Variants in CCNT2 observed in about 807,000 individuals in gnomAD.
CCNT2 encodes the protein cyclin T2.
Under a neutral mutation model 70.0 loss-of-function variants are expected in CCNT2, and 18 were observed. That is an observed-to-expected ratio of 0.26 (90% confidence interval 0.18 to 0.38). CCNT2 has a LOEUF of 0.38. CCNT2 is among the 10% of genes least tolerant of loss of function. The pLI is 1.00. For missense variants in CCNT2, 734 were observed against 890.2 expected (o/e 0.82, Z 2.23); for synonymous variants, 334 against 313.3 (o/e 1.07, Z -0.70).
intron 2 of CCNT2, among the ~76,000 whole-genome samples, chr2:134,924,129 T>G (rs912471005): frequency 1.2e-4 from 18 of 152,202 alleles, no homozygotes; most frequent in African/African-American, 4.3e-4. Flanking sequence ...TGCTACTCTT[T>G]CATAAAGCAT....
chr2:134,935,300 T>C (rs1310528410), intron 2 of CCNT2, among the ~76,000 whole-genome samples: 1 of 152,262 alleles, frequency 6.6e-6, no homozygotes, highest in Non-Finnish European at 1.5e-5. Flanking sequence ...AAACTCTATT[T>C]TACATCTGTT....
chr2:134,935,338 T>C (rs1210247000), intron 2 of CCNT2, among the ~76,000 whole-genome samples: 1 of 152,238 alleles, frequency 6.6e-6, no homozygotes, highest in East Asian at 1.9e-4. Context: ...GGAAAACTTC[T>C]TAAAGTCATT....
rs1559083296 is a variant in CCNT2, at chr2:134,918,890, C to T, written c.36C>T (p.Phe12=). 4.3e-6 allele frequency: 7 copies of T among 1,613,962 alleles called. No individual in the cohort carries two copies. Among genetic ancestry groups the T allele is most frequent in the African/African-American group, 1.3e-5 (1 of 75,060 alleles). Residue 12 remains phenylalanine (F), a synonymous_variant, in exon 1 of 9, where the codon TTC becomes TTT. Coordinates refer to ENST00000264157, the MANE Select transcript of CCNT2 (RefSeq NM_058241.3). ...ASGRGASSRW[F]FTREQLENTP... is the part of the protein sequence containing the mutation. Reference sequence around the variant, plus strand: ...GCCGTGGAGCTTCTTCTCGCTGGTTCTTTACTCGGGAACAGCTGGAGAACA... The same window carrying T: ...GCCGTGGAGCTTCTTCTCGCTGGTTTTTTACTCGGGAACAGCTGGAGAACA...
At chr2:134,928,093 C>T (rs1277623633) in intron 2 of CCNT2, among the ~76,000 whole-genome samples, 1 of 152,100 alleles carries the variant, frequency 6.6e-6, no homozygotes, top group Non-Finnish European at 1.5e-5. Flanking sequence ...GCCTCAGCCT[C>T]TCAAGTAGCT....
intron 2 of CCNT2, among the ~76,000 whole-genome samples, chr2:134,933,656 C>T (rs763527038): frequency 6.6e-6 from 1 of 151,954 alleles, no homozygotes; most frequent in African/African-American, 2.4e-5. Context: ...GCAGCAGGAC[C>T]CTCCAAGAAT....
intron 5 of CCNT2, chr2:134,943,361 C>A (rs1681707564): frequency 6.0e-6 from 5 of 828,384 alleles, no homozygotes; most frequent in Non-Finnish European, 5.8e-6. Context: ...AGATCATGCC[C>A]CTGCACTCTA....
chr2:134,954,409 AAG>A lies in CCNT2; in HGVS notation c.1955_1956del (p.Lys652ThrfsTer11). On this transcript the variant is annotated frameshift_variant, in exon 9 of 9. Coordinates refer to ENST00000264157, the MANE Select transcript of CCNT2 (RefSeq NM_058241.3). LOFTEE classifies it high-confidence loss of function. Reference sequence around the variant, plus strand: ...TTCATCTAGTTCTTCCTCCTCTGTTAAGCAGTATATATCCTCTCACAACTCTG... The same window carrying A: ...TTCATCTAGTTCTTCCTCCTCTGTTACAGTATATATCCTCTCACAACTCTG... The part of the protein sequence containing the change: ...GSSSSSSSSV[K>X]QYISSHNSVF... 1 of 1,613,938 alleles carries A rather than the reference AAG, an allele frequency of 6.2e-7. No homozygotes were observed. The highest frequency in any genetic ancestry group is 8.5e-7 in the Non-Finnish European group (1 of 1,179,834).
At chr2:134,919,079 C>G in intron 1 of CCNT2, 67 bp downstream of exon 1, 1 of 1,494,492 alleles carries the variant, frequency 6.7e-7, no homozygotes, top group Non-Finnish European at 8.9e-7. Flanking sequence ...CCTGGTGCCC[C>G]GCGAACATGG....
chr2:134,933,215 G>A (rs922997035), intron 2 of CCNT2, among the ~76,000 whole-genome samples: 2 of 152,310 alleles, frequency 1.3e-5, no homozygotes, highest in Middle Eastern at 3.4e-3. Context: ...ATGTTGAAGA[G>A]TAATCAGATA....
intron 2 of CCNT2, among the ~76,000 whole-genome samples, chr2:134,921,973 C>T (rs1338674917): frequency 3.3e-5 from 5 of 151,714 alleles, no homozygotes; most frequent in Non-Finnish European, 5.9e-5. Context: ...CTTTTTTTAC[C>T]TTTGCTATTA....
At chr2:134,942,824 C>A in intron 5 of CCNT2, 150 bp downstream of exon 5, 2 of 1,385,732 alleles carry the variant, frequency 1.4e-6, no homozygotes, top group Non-Finnish European at 1.9e-6. Flanking sequence ...TTTTAGTGTT[C>A]TACATCTACT....
rs1422692428 is a variant in CCNT2 at position 134,953,065 on chromosome 2, C to T, written c.775-165C>T. On this transcript the variant is annotated intron_variant, in intron 8 of 8. Transcript: ENST00000264157. ...TTCAATTTTTTATAGCCTTTTATGCCTCTAAGGCATTTATTTACTGACAAC... is the reference window on the plus strand; with the variant it reads ...TTCAATTTTTTATAGCCTTTTATGCTTCTAAGGCATTTATTTACTGACAAC... 4 of 557,786 alleles carry T rather than the reference C, an allele frequency of 7.2e-6. No individual in the cohort carries two copies. The African/African-American group carries it at 7.5e-5, about 10-fold the overall frequency. 34.6% of individuals were successfully genotyped at this position (557,786 alleles called of 1,614,324 possible).
chr2:134,937,868 C>T (rs1275975659), intron 3 of CCNT2, among the ~76,000 whole-genome samples: 2 of 152,080 alleles, frequency 1.3e-5, no homozygotes, highest in South Asian at 2.1e-4. Flanking sequence ...GAGCTGAGAT[C>T]GTGCCATTGC....
chr2:134,947,942 T>C, intron 7 of CCNT2, 43 bp downstream of exon 7: 4 of 1,197,194 alleles, frequency 3.3e-6, no homozygotes, highest in Non-Finnish European at 4.6e-6. Flanking sequence ...ATTATCTAAG[T>C]TGGCAGTTGT....
At chr2:134,936,694 C>A in intron 2 of CCNT2, 147 bp from the exon 3 acceptor site, 1 of 535,314 alleles carries the variant, frequency 1.9e-6, no homozygotes, top group Non-Finnish European at 3.2e-6. Context: ...GTGGAGCTTT[C>A]AGTGAGCCGA....
In CCNT2 at chr2:134,954,132, G is replaced by C; in HGVS notation, c.1677G>C (p.Lys559Asn). The C allele has an allele frequency of 6.2e-7, 1 of 1,614,164 alleles. No homozygotes were observed. The highest frequency in any genetic ancestry group is 8.5e-7 in the Non-Finnish European group (1 of 1,180,028). Residue 559 changes from lysine (K) to asparagine (N), a missense_variant, in exon 9 of 9, where the codon AAG (lysine) becomes AAC (asparagine). Physicochemically the swap from Lys to Asn is moderately conservative, Grantham distance 94. Around this residue, in one of 3 missense-constraint regions of CCNT2, gnomAD observed 532 missense variants for 556.9 expected, o/e 0.96. Coordinates refer to ENST00000264157, the MANE Select transcript of CCNT2 (RefSeq NM_058241.3). ...ATATTAGCAGAGACCATAAGGAGAA[G>C]CACAAGGAGCATCCTTCAAGCCGCC... Reference protein sequence around the residue: ...SPHISRDHKEKHKEHPSSRHH... With the variant: ...SPHISRDHKENHKEHPSSRHH...
At chr2:134,939,102 T>C in intron 4 of CCNT2, 40 bp downstream of exon 4, 1 of 1,241,108 alleles carries the variant, frequency 8.1e-7, no homozygotes, top group Non-Finnish European at 1.2e-6. Context: ...TGTGTGTATT[T>C]CACTAAAGCA....
rs759255002 is a variant in CCNT2, at chr2:134,953,310, T to A, written c.855T>A (p.Asn285Lys). 1 of 1,613,186 alleles carries A rather than the reference T, an allele frequency of 6.2e-7. No individual in the cohort carries two copies. Among genetic ancestry groups the A allele is most frequent in the South Asian group, 1.1e-5 (1 of 90,966 alleles). The change falls in exon 9 of 9, where the codon AAT becomes AAA. Residue 285 changes from asparagine (N) to lysine (K), a missense_variant. By Grantham distance (94) the Asn-to-Lys change is moderately conservative. This residue lies in a region of CCNT2 where 532 missense variants were observed against 556.9 expected (regional missense o/e 0.96). Coordinates refer to ENST00000264157, the MANE Select transcript of CCNT2 (RefSeq NM_058241.3). Reference sequence around the variant, plus strand: ...TTCTTGGTTCATCTTTGGTCCAGAATTCCATTTTAGTAGATAGTGTCACTG... The same window carrying A: ...TTCTTGGTTCATCTTTGGTCCAGAAATCCATTTTAGTAGATAGTGTCACTG... The part of the protein sequence containing the change: ...TPLLGSSLVQ[N>K]SILVDSVTGV...
intron 2 of CCNT2, among the ~76,000 whole-genome samples, chr2:134,927,301 T>C (rs894823438): frequency 5.9e-5 from 9 of 152,230 alleles, no homozygotes; most frequent in Non-Finnish European, 1.0e-4. Flanking sequence ...TGAAGCGGCT[T>C]AAAATTTTTT....
Sources: allele counts gnomAD v4.1 joint callset (sites outside exome capture counted in the v4.1 genomes callset), GRCh38; gene constraint gnomAD v4.1.1; regional missense constraint gnomAD v4.1.1; transcripts MANE v1.5; gene names NCBI Gene and HGNC (gene_info 2026-07-23, HGNC 2026-07-21).